EXD2: variants seen among roughly 807,000 people sequenced by gnomAD.
EXD2 encodes exonuclease 3'-5' domain-containing protein 2.
EXD2 carries 40 observed loss-of-function variants against 62.5 expected under a neutral mutation model. The observed-to-expected ratio is 0.64, with a 90% CI of 0.50 to 0.83. The LOEUF (loss-of-function observed/expected upper bound fraction) is 0.83, where lower values mean the gene tolerates loss of function less well. EXD2 is among the 40% of genes least tolerant of loss of function. The pLI is 0.00. For synonymous variants in EXD2, 239 were observed against 291.9 expected, an observed-to-expected ratio of 0.82 and a Z score of 1.85; for missense variants, 671 against 761.8, an observed-to-expected ratio of 0.88 and a Z score of 1.40.
rs116611633 is a variant in EXD2 at position 69,215,865 on chromosome 14, T to A, written c.333+6062T>A. 5.6e-3 allele frequency among the ~76,000 whole-genome samples: 856 copies of A among 152,038 alleles called. 8 individuals are homozygous for A. Among genetic ancestry groups the A allele is most frequent in the African/African-American group, 0.02 (811 of 41,410 alleles). The stretch of plus-strand genomic sequence containing the variant: ...TTCTATCGAGTTGTCTTTATAGAAG[T>A]TCTTTACATATTCTGCATATGAACC... On this transcript the variant is annotated intron_variant, in intron 3 of 9. Transcript: ENST00000685843.
chr14:69,217,950 T>C (rs1344304433), intron 3 of EXD2, among the ~76,000 whole-genome samples: 1 of 152,238 alleles, frequency 6.6e-6, no homozygotes. Flanking sequence ...TGATGGACAT[T>C]TGGTTCCAAG....
intron 3 of EXD2, chr14:69,224,141 C>G (rs1594765260): frequency 6.6e-6 from 1 of 152,408 alleles, no homozygotes. Context: ...CTTAAGTGAT[C>G]CTCCCACCTC....
chr14:69,241,449 C>T lies in EXD2; in HGVS notation c.*349C>T. ...AGACTTAAAAAAAATGTTTTTAATG[C>T]ATTTCTTCCTTGTCTAGTGCCTCGG... On this transcript the variant is annotated 3_prime_UTR_variant, in exon 10 of 10. Transcript: ENST00000685843. 3.7e-6 allele frequency: 1 copy of T among 268,782 alleles called. No individual in the cohort carries two copies. The highest frequency in any genetic ancestry group is 1.1e-4 in the South Asian group (1 of 8,816). 16.6% of individuals were successfully genotyped at this position (268,782 alleles called of 1,614,324 possible).
At chr14:69,199,467 T>C (rs934483976) in intron 1 of EXD2, among the ~76,000 whole-genome samples, 26 of 152,268 alleles carry the variant, frequency 1.7e-4, no homozygotes, top group African/African-American at 6.3e-4. Flanking sequence ...TAGTTTACTA[T>C]AACTTTTTTA....
intron 5 of EXD2, among the ~76,000 whole-genome samples, chr14:69,232,979 T>C (rs915752530): frequency 2.0e-5 from 3 of 152,240 alleles, no homozygotes; most frequent in African/African-American, 7.2e-5. Flanking sequence ...GATTGGCTCC[T>C]ATATTTTCTT....
At chr14:69,236,837 A>G (rs1395106879) in intron 8 of EXD2, among the ~76,000 whole-genome samples, 1 of 152,230 alleles carries the variant, frequency 6.6e-6, no homozygotes, top group Non-Finnish European at 1.5e-5. Context: ...GTTCCTTCAG[A>G]AGCTGTGTCC....
intron 3 of EXD2, among the ~76,000 whole-genome samples, chr14:69,216,272 ATCTGTTTTTG>A (rs1302139314): frequency 1.3e-5 from 2 of 152,068 alleles, no homozygotes; most frequent in African/African-American, 4.8e-5. Context: ...ATGTGTCTAG[ATCTGTTTTTG>A]TCTTCTTGAT....
At chr14:69,236,735 C>T (rs772719103) in intron 8 of EXD2, among the ~76,000 whole-genome samples, 193 bp downstream of exon 8, 1 of 152,174 alleles carries the variant, frequency 6.6e-6, no homozygotes. Flanking sequence ...CCTCCTGAGC[C>T]GTTTCTCAGT....
intron 3 of EXD2, among the ~76,000 whole-genome samples, chr14:69,220,646 G>T (rs537209146): frequency 1.3e-5 from 2 of 150,120 alleles, no homozygotes; most frequent in Non-Finnish European, 3.0e-5. Flanking sequence ...CGAGGTGGGC[G>T]GATCATGAAG....
intron 3 of EXD2, among the ~76,000 whole-genome samples, chr14:69,227,722 T>C (rs938396330): frequency 6.6e-6 from 1 of 152,026 alleles, no homozygotes; most frequent in African/African-American, 2.4e-5. Context: ...TAACCCCAGC[T>C]ACTCGGGAGG....
intron 2 of EXD2, among the ~76,000 whole-genome samples, chr14:69,206,788 C>T (rs1308255084): frequency 6.6e-6 from 1 of 152,160 alleles, no homozygotes; most frequent in African/African-American, 2.4e-5. Context: ...AGCCTTCCAC[C>T]CACTTGGGGT....
In EXD2 at chr14:69,235,046, C is replaced by G; in HGVS notation, c.1049+15C>G. ...TATTCTGCCAGGTAACTGAATCACT[C>G]CCTGTCTAGTAAAGAGTCAGTGGCC... On this transcript the variant is annotated intron_variant, in intron 6 of 9. Transcript: ENST00000685843. 2.6e-6 allele frequency: 4 copies of G among 1,563,924 alleles called. No individual in the cohort carries two copies. The highest frequency in any genetic ancestry group is 2.3e-5 in the East Asian group (1 of 43,990).
At chr14:69,198,040 T>G (rs1357775024) in intron 1 of EXD2, among the ~76,000 whole-genome samples, 1 of 152,198 alleles carries the variant, frequency 6.6e-6, no homozygotes, top group Non-Finnish European at 1.5e-5. Flanking sequence ...TCACTAAAGT[T>G]TTCTGTTCCT....
chr14:69,203,703 A>G (rs2042488675), intron 1 of EXD2, among the ~76,000 whole-genome samples: 1 of 152,264 alleles, frequency 6.6e-6, no homozygotes, highest in African/African-American at 2.4e-5. Flanking sequence ...TGGGATTATC[A>G]TGGAAAGGAT....
intron 4 of EXD2, 104 bp downstream of exon 4, chr14:69,229,176 A>G (rs1304472821): frequency 2.9e-6 from 4 of 1,394,112 alleles, no homozygotes; most frequent in Non-Finnish European, 2.9e-6. Context: ...GAAATTGTAT[A>G]GGAGCCTAGA....
At chr14:69,215,294 ATATATGTGTG>A (rs201673557) in intron 3 of EXD2, among the ~76,000 whole-genome samples, 1,677 of 137,254 alleles carry the variant, frequency 0.012, 32 homozygotes, top group South Asian at 0.094. Context: ...CATCTCAAAA[ATATATGTGTG>A]TGTGTGTGTG....
intron 3 of EXD2, among the ~76,000 whole-genome samples, chr14:69,216,787 TAAATC>T (rs1303661712): frequency 6.6e-6 from 1 of 152,162 alleles, no homozygotes; most frequent in Non-Finnish European, 1.5e-5. Flanking sequence ...GCGGGATAAT[TAAATC>T]TAGCTAATTA....
intron 8 of EXD2, 95 bp from the exon 9 acceptor site, chr14:69,237,480 A>G: frequency 1.8e-6 from 2 of 1,111,474 alleles, no homozygotes; most frequent in South Asian, 1.3e-5. Flanking sequence ...AGTCATGGTT[A>G]GGCCCCAGTT....
At chr14:69,223,469 C>T (rs1416506352) in intron 3 of EXD2, among the ~76,000 whole-genome samples, 1 of 152,282 alleles carries the variant, frequency 6.6e-6, no homozygotes, top group Admixed American at 6.5e-5. Flanking sequence ...AATAAACAGA[C>T]AGTATATGTT....
Sources: gnomAD v4.1 joint callset for allele counts (sites outside exome capture counted in the v4.1 genomes callset) on GRCh38, gnomAD v4.1.1 for gene constraint, MANE v1.5 for transcripts, NCBI Gene and HGNC (gene_info 2026-07-23, HGNC 2026-07-21) for gene names.